The following NBAS variants were observed in gnomAD, a reference collection of about 807,000 sequenced individuals.
NBAS encodes the protein NAG/BC035112 fusion.
In NBAS, 219 loss-of-function variants were observed where a neutral mutation model predicts 302.5. That is an observed-to-expected ratio of 0.72 (90% CI 0.65 to 0.81). The LOEUF is 0.81. NBAS is among the 30% of genes least tolerant of loss of function. The pLI is 0.00. For missense variants in NBAS, 2,932 were observed against 2,841.6 expected (o/e 1.03, Z -0.72); for synonymous variants, 1,118 against 1,021.6 (o/e 1.09, Z -1.80).
chr2:15,268,312 A>T (rs1197503659), intron 44 of NBAS, among the ~76,000 whole-genome samples: 1 of 152,168 alleles, frequency 6.6e-6, no homozygotes, highest in African/African-American at 2.4e-5. Flanking sequence ...TCAGGACCAG[A>T]CGTTTGCTGC....
At chr2:15,497,417 T>C (rs971170465) in intron 11 of NBAS, among the ~76,000 whole-genome samples, 1 of 152,130 alleles carries the variant, frequency 6.6e-6, no homozygotes, top group Admixed American at 6.5e-5. Context: ...CTGAAGATGA[T>C]ACTGGTAGCA....
the NBAS span, among the ~76,000 whole-genome samples, chr2:15,050,428 AAT>A: frequency 6.6e-6 from 1 of 152,112 alleles, no homozygotes; most frequent in African/African-American, 2.4e-5. Context: ...GAGTGCCTAT[AAT>A]GTATATCAAA....
chr2:15,160,659 C>G, the NBAS span, among the ~76,000 whole-genome samples: 5,333 of 150,600 alleles, frequency 0.035, 227 homozygotes, highest in East Asian at 0.12. Flanking sequence ...TCTCTGATTG[C>G]CTGCACCCCA....
chr2:14,944,949 A>G, the NBAS span, among the ~76,000 whole-genome samples: 669 of 152,320 alleles, frequency 4.4e-3, 13 homozygotes, highest in Non-Finnish European at 3.1e-3. Flanking sequence ...ATGCAGGAGA[A>G]GCATCATGAG....
chr2:14,902,374 C>A, the NBAS span, among the ~76,000 whole-genome samples: 1 of 152,192 alleles, frequency 6.6e-6, no homozygotes, highest in Non-Finnish European at 1.5e-5. Context: ...TCAAGTGATC[C>A]ACCCTCCTTG....
At chr2:15,376,454 A>AAGACTATTTGGTATTTTCATC (rs1674742619) in intron 30 of NBAS, among the ~76,000 whole-genome samples, 1 of 152,220 alleles carries the variant, frequency 6.6e-6, no homozygotes, top group Non-Finnish European at 1.5e-5. Context: ...GGTATTTTCA[A>AAGACTATTTGGTATTTTCATC]AGACTATTTG....
chr2:14,995,284 C>T, the NBAS span, among the ~76,000 whole-genome samples: 3 of 151,828 alleles, frequency 2.0e-5, no homozygotes, highest in Non-Finnish European at 2.9e-5. Flanking sequence ...TTGTTCAATT[C>T]CCACCTATTA....
chr2:14,912,743 C>G, the NBAS span, among the ~76,000 whole-genome samples: 9 of 134,886 alleles, frequency 6.7e-5, no homozygotes, highest in East Asian at 2.0e-3. Context: ...ATCCCTTTAA[C>G]AAGTGAATTT....
chr2:15,198,313 G>T (rs1469864104), intron 48 of NBAS, among the ~76,000 whole-genome samples: 1 of 152,128 alleles, frequency 6.6e-6, no homozygotes, highest in Non-Finnish European at 1.5e-5. Flanking sequence ...GGCTTTTATT[G>T]TAACACATTC....
intron 21 of NBAS, among the ~76,000 whole-genome samples, chr2:15,451,510 C>T (rs1679009578): frequency 6.6e-6 from 1 of 151,972 alleles, no homozygotes; most frequent in South Asian, 2.1e-4. Context: ...CTTCCATCTA[C>T]CTTTGATTTG....
intron 33 of NBAS, among the ~76,000 whole-genome samples, chr2:15,354,336 G>A (rs559531485): frequency 6.6e-6 from 1 of 152,156 alleles, no homozygotes; most frequent in Non-Finnish European, 1.5e-5. Context: ...ATTATACTCT[G>A]AATTCTTAAA....
rs547525740 is a variant in NBAS, at chr2:15,264,697, T to C, written c.5724+10787A>G. Among the ~76,000 whole-genome samples, 7 of 152,328 alleles carry C rather than the reference T, an allele frequency of 4.6e-5. No individual in the cohort carries two copies. In the South Asian group the frequency reaches 1.2e-3, roughly 27 times the overall value. On this transcript the variant is annotated intron_variant, in intron 44 of 51. Transcript: ENST00000281513. ...AGCTCATAAAACACGGGAGCAGTTA[T>C]CTAACTTCCTTGGGACTTAAATTCT...
chr2:15,318,502 A>G (rs1206378206), intron 38 of NBAS, among the ~76,000 whole-genome samples: 1 of 152,194 alleles, frequency 6.6e-6, no homozygotes, highest in African/African-American at 2.4e-5. Flanking sequence ...CAGGAGACCC[A>G]TCTCACGTGT....
At chr2:15,281,480 G>T (rs904225098) in intron 42 of NBAS, among the ~76,000 whole-genome samples, 6 of 152,202 alleles carry the variant, frequency 3.9e-5, no homozygotes, top group Non-Finnish European at 8.8e-5. Context: ...ATGTTAGGTT[G>T]CCAGGGCCAT....
At chr2:15,476,907 A>C (rs1467091556) in intron 13 of NBAS, among the ~76,000 whole-genome samples, 1 of 152,244 alleles carries the variant, frequency 6.6e-6, no homozygotes, top group Admixed American at 6.5e-5. Context: ...CTAAGAAGAG[A>C]GAGATTTTAA....
At chr2:15,192,863 T>C (rs1357524545) in intron 48 of NBAS, among the ~76,000 whole-genome samples, 6 of 152,174 alleles carry the variant, frequency 3.9e-5, no homozygotes, top group African/African-American at 1.4e-4. Context: ...ATGTACACTT[T>C]ATATGGGTTA....
intron 40 of NBAS, among the ~76,000 whole-genome samples, chr2:15,298,455 T>C (rs951556452): frequency 4.6e-5 from 7 of 152,202 alleles, no homozygotes; most frequent in Admixed American, 4.6e-4. Context: ...CTCTGAGCTG[T>C]AAATTTTCCA....
chr2:15,558,386 C>T (rs956243012), intron 2 of NBAS, among the ~76,000 whole-genome samples, 194 bp downstream of exon 2: 1 of 152,082 alleles, frequency 6.6e-6, no homozygotes, highest in Admixed American at 6.5e-5. Flanking sequence ...CTCTAAGCTG[C>T]ATTAGAGCTA....
At chr2:15,360,996 CAACAT>C (rs1250346002) in intron 32 of NBAS, among the ~76,000 whole-genome samples, 1 of 152,050 alleles carries the variant, frequency 6.6e-6, no homozygotes, top group Non-Finnish European at 1.5e-5. Flanking sequence ...AATTATGTAC[CAACAT>C]AACTATATGT....
Sources: gnomAD v4.1 joint callset for allele counts (sites outside exome capture counted in the v4.1 genomes callset) on GRCh38, gnomAD v4.1.1 for gene constraint, MANE v1.5 for transcripts, NCBI Gene and HGNC (gene_info 2026-07-23, HGNC 2026-07-21) for gene names.